HS3ST4: variants seen among roughly 807,000 people sequenced by gnomAD.
HS3ST4 encodes the protein heparan sulfate glucosamine 3-O-sulfotransferase 4.
HS3ST4 carries 17 observed loss-of-function variants against 29.2 expected under a neutral mutation model. That is an observed-to-expected ratio of 0.58 (90% CI 0.40 to 0.87). The LOEUF (loss-of-function observed/expected upper bound fraction) is 0.87. Among genes scored for constraint, HS3ST4 ranks in the 40% least tolerant of loss-of-function variants. The pLI is 0.00. For missense variants in HS3ST4, 627 were observed against 634.5 expected, an observed-to-expected ratio of 0.99 and a Z score of 0.13; for synonymous variants, 314 against 285.7, an observed-to-expected ratio of 1.10 and a Z score of -1.00.
chr16:26,041,629 C>T (rs565246633), intron 1 of HS3ST4, among the ~76,000 whole-genome samples: 1 of 151,660 alleles, frequency 6.6e-6, no homozygotes, highest in Non-Finnish European at 1.5e-5. Flanking sequence ...TTTTGCAGGC[C>T]GTGAAGTCTC....
At chr16:25,847,126 A>G (rs1441079104) in intron 1 of HS3ST4, among the ~76,000 whole-genome samples, 2 of 151,976 alleles carry the variant, frequency 1.3e-5, no homozygotes, top group Non-Finnish European at 2.9e-5. Flanking sequence ...ACATTGAGAC[A>G]GTAGATTAAT....
chr16:25,924,383 G>A (rs796535622), intron 1 of HS3ST4, among the ~76,000 whole-genome samples: 10 of 152,216 alleles, frequency 6.6e-5, no homozygotes, highest in African/African-American at 2.4e-4. Context: ...GTCCTCTGAG[G>A]CTCTGCACCG....
Position 25,951,139 on chromosome 16 carries a change from G to A in HS3ST4, c.735-184473G>A, listed in dbSNP as rs181709514. 3.3e-5 allele frequency among the ~76,000 whole-genome samples: 5 copies of A among 152,290 alleles called. No individual in the cohort carries two copies. In the East Asian group the frequency reaches 5.8e-4, roughly 18 times the overall value. On this transcript the variant is annotated intron_variant, in intron 1 of 1. Transcript: ENST00000331351. ...GCCTCCTAGCATCATTTGGTGCTGG[G>A]TGGAACTGGAAGCTGAGAGGGGATT...
At chr16:25,763,742 A>C (rs905604516) in intron 1 of HS3ST4, among the ~76,000 whole-genome samples, 6 of 152,180 alleles carry the variant, frequency 3.9e-5, no homozygotes, top group African/African-American at 1.4e-4. Flanking sequence ...GGTGTGGCTA[A>C]AGACAATGAA....
chr16:26,056,691 T>TA (rs1253108542), intron 1 of HS3ST4, among the ~76,000 whole-genome samples: 1 of 152,126 alleles, frequency 6.6e-6, no homozygotes, highest in Non-Finnish European at 1.5e-5. Flanking sequence ...CCCAACCTCC[T>TA]AAAAAATCAC....
chr16:25,696,231 C>G (rs533501321), intron 1 of HS3ST4, among the ~76,000 whole-genome samples: 1 of 152,288 alleles, frequency 6.6e-6, no homozygotes, highest in East Asian at 1.9e-4. Flanking sequence ...GCCCTCTTCC[C>G]TCTCCCTTTC....
At chr16:26,024,136 A>G (rs191175611) in intron 1 of HS3ST4, among the ~76,000 whole-genome samples, 7 of 151,872 alleles carry the variant, frequency 4.6e-5, no homozygotes, top group Non-Finnish European at 2.9e-5. Flanking sequence ...AAGCAGGAGA[A>G]TCGCTTGAAC....
At chr16:25,982,308 G>A (rs889187612) in intron 1 of HS3ST4, among the ~76,000 whole-genome samples, 3 of 152,130 alleles carry the variant, frequency 2.0e-5, no homozygotes, top group African/African-American at 2.4e-5. Flanking sequence ...AAATAGCCAC[G>A]CCCATGCCTT....
chr16:26,134,362 C>CTTTTCTTTTCTTT lies in HS3ST4; in HGVS notation c.735-1246_735-1245insCTTTTCTTTTTTT, dbSNP rs750289979. Among the ~76,000 whole-genome samples the CTTTTCTTTTCTTT allele has an allele frequency of 6.4e-4, 49 of 76,770 alleles. 1 individual carries two copies. Among genetic ancestry groups the CTTTTCTTTTCTTT allele is most frequent in the African/African-American group, 2.0e-3 (43 of 21,370 alleles). The allele number at this position is 76,770 out of a possible 152,430, so 50.4% of individuals were successfully genotyped here. A position where few individuals can be genotyped will look rare whatever the true frequency, so the allele number is the denominator to read the frequency against. The stretch of plus-strand genomic sequence containing the variant: ...CTTTTCTTTTCTTTTCTTTTCTTTT[C>CTTTTCTTTTCTTT]TTTTTTTTTTTTTTGATTGAGATGG... On this transcript the variant is annotated intron_variant, in intron 1 of 1. Coordinates refer to ENST00000331351, the MANE Select transcript of HS3ST4 (RefSeq NM_006040.3).
At chr16:26,009,023 A>AC (rs1410274079) in intron 1 of HS3ST4, among the ~76,000 whole-genome samples, 1 of 152,216 alleles carries the variant, frequency 6.6e-6, no homozygotes, top group Non-Finnish European at 1.5e-5. Context: ...TCAGAGCGAC[A>AC]CAGGCCTTCA....
chr16:25,709,106 A>C (rs1312952594), intron 1 of HS3ST4, among the ~76,000 whole-genome samples: 1 of 148,240 alleles, frequency 6.7e-6, no homozygotes, highest in Non-Finnish European at 1.5e-5. Context: ...TTTTTGGCTT[A>C]ATTAGTGTTT....
At chr16:26,112,250 ATGTGTGTG>A (rs35207548) in intron 1 of HS3ST4, among the ~76,000 whole-genome samples, 22 of 148,444 alleles carry the variant, frequency 1.5e-4, no homozygotes, top group Non-Finnish European at 2.5e-4. Flanking sequence ...GTGTGTGTGT[ATGTGTGTG>A]TGTGTGTGTG....
chr16:25,793,637 C>G (rs1390090832), intron 1 of HS3ST4, among the ~76,000 whole-genome samples: 1 of 151,878 alleles, frequency 6.6e-6, no homozygotes, highest in Non-Finnish European at 1.5e-5. Flanking sequence ...TATAGCTTTC[C>G]CAGTCCCTTA....
intron 1 of HS3ST4, among the ~76,000 whole-genome samples, chr16:25,780,601 C>CT (rs1966851770): frequency 6.6e-6 from 1 of 152,140 alleles, no homozygotes; most frequent in Non-Finnish European, 1.5e-5. Flanking sequence ...GTCACTAACT[C>CT]TCATGACCTT....
chr16:25,928,063 G>A (rs892020669), intron 1 of HS3ST4, among the ~76,000 whole-genome samples: 4 of 142,466 alleles, frequency 2.8e-5, no homozygotes, highest in African/African-American at 8.1e-5. Flanking sequence ...AAAAAAGGTA[G>A]CCAGGCATGC....
At chr16:25,774,149 A>G (rs1386242305) in intron 1 of HS3ST4, among the ~76,000 whole-genome samples, 4 of 152,244 alleles carry the variant, frequency 2.6e-5, no homozygotes, top group Non-Finnish European at 5.9e-5. Flanking sequence ...ATTGGGGAAC[A>G]GGATGAATGA....
intron 1 of HS3ST4, among the ~76,000 whole-genome samples, chr16:26,093,914 C>G (rs1898889824): frequency 6.6e-6 from 1 of 152,164 alleles, no homozygotes; most frequent in African/African-American, 2.4e-5. Context: ...TAGAGAAGAT[C>G]TTAAATGACC....
intron 1 of HS3ST4, among the ~76,000 whole-genome samples, chr16:25,769,855 A>T (rs757655643): frequency 6.6e-6 from 1 of 152,172 alleles, no homozygotes; most frequent in Non-Finnish European, 1.5e-5. Flanking sequence ...TAGCCAACAC[A>T]GGGGCAATGG....
intron 1 of HS3ST4, among the ~76,000 whole-genome samples, chr16:26,104,172 A>C (rs112245870): frequency 6.6e-6 from 1 of 152,118 alleles, no homozygotes; most frequent in Admixed American, 6.6e-5. Flanking sequence ...CCTCAGTGTT[A>C]CCTTGTTTGA....
Sources: allele counts gnomAD v4.1 joint callset (sites outside exome capture counted in the v4.1 genomes callset), GRCh38; gene constraint gnomAD v4.1.1; transcripts MANE v1.5; gene names NCBI Gene and HGNC (gene_info 2026-07-23, HGNC 2026-07-21).